TRPV4: variants seen among roughly 807,000 people sequenced by gnomAD.
TRPV4 encodes the protein OSM9-like transient receptor potential channel 4.
Under a neutral mutation model 84.1 loss-of-function variants are expected in TRPV4, and 58 were observed. That is an observed-to-expected ratio of 0.69 (90% CI 0.56 to 0.86). TRPV4 has a LOEUF of 0.86. TRPV4 is among the 40% of genes least tolerant of loss of function. The pLI is 0.00. For missense variants in TRPV4, 879 were observed against 1,181.1 expected (o/e 0.74, Z 3.75); for synonymous variants, 489 against 500.9 (o/e 0.98, Z 0.32).
rs905805572 is a variant in TRPV4, at chr12:109,796,373, A to G, written c.1332+152T>C. 6.1e-6 allele frequency: 5 copies of G among 816,690 alleles called. No homozygotes were observed. The highest frequency in any genetic ancestry group is 5.9e-6 in the Non-Finnish European group (3 of 505,262). The allele number at this position is 816,690 out of a possible 1,614,324, so 50.6% of individuals were successfully genotyped here. A position where few individuals can be genotyped will look rare whatever the true frequency, so the allele number is the denominator to read the frequency against. ...ATGGCAGACACTGTTCTGGGCACTT[A>G]GTTGGCACCTTCTCTTGCATTCAGC... is the stretch of plus-strand genomic sequence containing the variant. On this transcript the variant is annotated intron_variant, in intron 7 of 15. Coordinates refer to ENST00000261740, the MANE Select transcript of TRPV4 (RefSeq NM_021625.5). The surrounding 1 kb of genome is among the most constrained non-coding windows in gnomAD (Gnocchi z 4.2).
At position 109,784,396 on chromosome 12, in the gene TRPV4, C is replaced by A; in HGVS notation, c.2378G>T (p.Gly793Val). Residue 793 changes from glycine (G) to valine (V), a missense_variant, in exon 15 of 16, where the codon GGC becomes GTC. Gly to Val is a moderately radical substitution (Grantham distance 109). Transcript: ENST00000261740. ...CTTGCCCGGGTCCTCGTTGATGATG[C>A]CCAAGTTCTGGTTCCAGTGAGACCA... ...VNWSHWNQNL[G>V]IINEDPGKNE... 6.2e-7 allele frequency: 1 copy of A among 1,614,186 alleles called. No individual in the cohort carries two copies. The highest frequency in any genetic ancestry group is 8.5e-7 in the Non-Finnish European group (1 of 1,180,030).
rs1279275531 is a variant in TRPV4, at chr12:109,819,330, T to G, written c.-31-4503A>C. ...CTCTGCGTGTGACTGTCATGTACAT[T>G]TCTTCCCACCTTCCTCCATGGGCGT... On this transcript the variant is annotated intron_variant, in intron 1 of 15. Coordinates refer to ENST00000261740, the MANE Select transcript of TRPV4 (RefSeq NM_021625.5). Among the ~76,000 whole-genome samples, 6 of 152,260 alleles carry G rather than the reference T, an allele frequency of 3.9e-5. No homozygotes were observed. In the East Asian group the frequency reaches 7.7e-4, roughly 20 times the overall value.
In TRPV4 at chr12:109,814,880, C is replaced by G. The variant is rs1275255489; in HGVS notation, c.-31-53G>C. 6.7e-7 allele frequency: 1 copy of G among 1,486,392 alleles called. No homozygotes were observed. The highest frequency in any genetic ancestry group is 2.5e-5 in the East Asian group (1 of 40,590). 92.1% of individuals were successfully genotyped at this position (1,486,392 alleles called of 1,614,324 possible). On this transcript the variant is annotated intron_variant, in intron 1 of 15. Coordinates refer to ENST00000261740, the MANE Select transcript of TRPV4 (RefSeq NM_021625.5). This position sits in a 1 kb window ranked among gnomAD's most constrained non-coding sequence, Gnocchi z 5.4. ...CAGAACCCGGCCAGGGGCGGGGGCT[C>G]CAGGAAGCCCCCTCCCACGTGGACA...
chr12:109,804,712 C>T (rs755165303), intron 3 of TRPV4, among the ~76,000 whole-genome samples: 5 of 152,152 alleles, frequency 3.3e-5, no homozygotes, highest in African/African-American at 4.8e-5. Flanking sequence ...GTCCACCTGG[C>T]GCCCAGCTCA....
chr12:109,786,845 G>A lies in TRPV4; in HGVS notation c.2209-8C>T, dbSNP rs1003284993. 6.2e-7 allele frequency: 1 copy of A among 1,613,850 alleles called. No individual in the cohort carries two copies. The highest frequency in any genetic ancestry group is 8.5e-7 in the Non-Finnish European group (1 of 1,179,972). On this transcript the variant is annotated splice_region_variant and splice_polypyrimidine_tract_variant and intron_variant, in intron 13 of 15. Transcript: ENST00000261740. The surrounding 1 kb of genome is among the most constrained non-coding windows in gnomAD (Gnocchi z 4.5). ...CAGGATGGTGGTGGCCCACTGCGGGGAGGGAGGGTCAGGAGGGACATCGGT... is the reference window on the plus strand; with the variant it reads ...CAGGATGGTGGTGGCCCACTGCGGGAAGGGAGGGTCAGGAGGGACATCGGT...
chr12:109,830,560 T>A (rs988076221), intron 1 of TRPV4, among the ~76,000 whole-genome samples: 1 of 152,176 alleles, frequency 6.6e-6, no homozygotes. Context: ...AAATGGGCGA[T>A]GTGGAGCATT....
chr12:109,809,274 C>T (rs1238601693), intron 2 of TRPV4, among the ~76,000 whole-genome samples: 1 of 145,128 alleles, frequency 6.9e-6, no homozygotes, highest in East Asian at 2.0e-4. Flanking sequence ...TCTAACTACC[C>T]GCCCATCCAT....
intron 14 of TRPV4, among the ~76,000 whole-genome samples, chr12:109,785,862 C>T (rs1725110522): frequency 6.6e-6 from 1 of 151,944 alleles, no homozygotes; most frequent in African/African-American, 2.4e-5. Flanking sequence ...GCAAGAACCC[C>T]ATCTCTACAA....
intron 2 of TRPV4, among the ~76,000 whole-genome samples, chr12:109,811,519 G>C (rs901043218): frequency 6.6e-6 from 1 of 152,184 alleles, no homozygotes; most frequent in Admixed American, 6.5e-5. Context: ...TTAGCCGGTT[G>C]TGGTCGTGCA....
At chr12:109,810,750 C>A (rs1171212403) in intron 2 of TRPV4, among the ~76,000 whole-genome samples, 1 of 152,162 alleles carries the variant, frequency 6.6e-6, no homozygotes, top group Non-Finnish European at 1.5e-5. Context: ...ACTGCCCCCA[C>A]CAGATCTCAC....
At chr12:109,831,460 G>A (rs1338934912) in intron 1 of TRPV4, among the ~76,000 whole-genome samples, 3 of 152,226 alleles carry the variant, frequency 2.0e-5, no homozygotes, top group African/African-American at 4.8e-5. Flanking sequence ...TCCTCCCCGG[G>A]GGGCCACAAG....
Position 109,803,064 on chromosome 12 carries a change from C to T in TRPV4, c.639G>A (p.Leu213=), listed in dbSNP as rs1456793494. 1.9e-6 allele frequency: 3 copies of T among 1,614,208 alleles called. No individual in the cohort carries two copies. Among genetic ancestry groups the T allele is most frequent in the South Asian group, 2.2e-5 (2 of 91,092 alleles). ...SNGRNDTIPV[L]LDIAERTGNM... ...TGCCGGTGCGCTCCGCGATGTCCAG[C>T]AGCACAGGGATGGTGTCGTTGCGGC... The change falls in exon 4 of 16, where the codon CTG becomes CTA. Residue 213 remains leucine (L), a synonymous_variant. Coordinates refer to ENST00000261740, the MANE Select transcript of TRPV4 (RefSeq NM_021625.5).
At chr12:109,804,728 G>A (rs1302124250) in intron 3 of TRPV4, among the ~76,000 whole-genome samples, 1 of 152,100 alleles carries the variant, frequency 6.6e-6, no homozygotes, top group Admixed American at 6.6e-5. Flanking sequence ...GCTCAGAGGC[G>A]ACACCAAACC....
In TRPV4 at chr12:109,794,095, C is replaced by G. The variant is rs556367250; in HGVS notation, c.1492-73G>C. 2,577 of 1,337,656 alleles carry G rather than the reference C, an allele frequency of 1.9e-3. 46 individuals carry two copies. The African/African-American group carries it at 0.034, about 18-fold the overall frequency. 82.9% of individuals were successfully genotyped at this position (1,337,656 alleles called of 1,614,324 possible). On this transcript the variant is annotated intron_variant, in intron 8 of 15. Transcript: ENST00000261740. ...TCTGGCCCCCAATCCAGATGTTCCC[C>G]CAGGCCCGAAACATCGGCATCCCAT... is the stretch of plus-strand genomic sequence containing the variant.
chr12:109,829,493 C>G (rs967419587), intron 1 of TRPV4, among the ~76,000 whole-genome samples: 9 of 152,256 alleles, frequency 5.9e-5, no homozygotes, highest in African/African-American at 1.9e-4. Context: ...TGCCCAAATG[C>G]AAGTCTAGCT....
At chr12:109,826,518 A>C (rs1365882854) in intron 1 of TRPV4, among the ~76,000 whole-genome samples, 1 of 152,236 alleles carries the variant, frequency 6.6e-6, no homozygotes, top group African/African-American at 2.4e-5. Context: ...ACAGATGAAC[A>C]AACTGAAGAT....
At chr12:109,826,364 A>G (rs1475055927) in intron 1 of TRPV4, among the ~76,000 whole-genome samples, 2 of 152,184 alleles carry the variant, frequency 1.3e-5, no homozygotes, top group Admixed American at 6.5e-5. Context: ...TATAGACATT[A>G]AATATTATTG....
chr12:109,783,730 G>T lies in TRPV4; in HGVS notation c.2507C>A (p.Ser836Ter). Residue 836 changes from serine to a stop codon, truncating the protein, a stop_gained, in exon 16 of 16, where the codon TCG becomes TAG. Coordinates refer to ENST00000261740, the MANE Select transcript of TRPV4 (RefSeq NM_021625.5). LOFTEE classifies it high-confidence loss of function. This position sits in a 1 kb window ranked among gnomAD's most constrained non-coding sequence, Gnocchi z 4.6. ...AGGCACCACCACCTCGTCCGGGTTC[G>T]AGTTCTTGTTCAGTTCCACCACGCG... is the stretch of plus-strand genomic sequence containing the variant. ...VPRVVELNKN[S>*]NPDEVVVPLD... The T allele has an allele frequency of 6.2e-7, 1 of 1,613,688 alleles. No individual in the cohort carries two copies. The highest frequency in any genetic ancestry group is 8.5e-7 in the Non-Finnish European group (1 of 1,179,982).
Position 109,784,427 on chromosome 12 carries a change from C to T in TRPV4, c.2347G>A (p.Val783Met), listed in dbSNP as rs1889551438. 2 of 1,614,142 alleles carry T rather than the reference C, an allele frequency of 1.2e-6. No homozygotes were observed. Among genetic ancestry groups the T allele is most frequent in the South Asian group, 1.1e-5 (1 of 91,082 alleles). Residue 783 changes from valine (V) to methionine (M), a missense_variant, in exon 15 of 16, where the codon GTG (valine) becomes ATG (methionine). Val to Met is a conservative substitution (Grantham distance 21). Transcript: ENST00000261740. ...TTCTGGTTCCAGTGAGACCAGTTCACCTCATCCACCCTGGCAGGGCCCAAG... is the reference window on the plus strand; with the variant it reads ...TTCTGGTTCCAGTGAGACCAGTTCATCTCATCCACCCTGGCAGGGCCCAAG... ...DRRWCFRVDE[V>M]NWSHWNQNLG...
Sources: allele counts gnomAD v4.1 joint callset (sites outside exome capture counted in the v4.1 genomes callset), GRCh38; gene constraint gnomAD v4.1.1; non-coding constraint Gnocchi (gnomAD v3.1); transcripts MANE v1.5; gene names NCBI Gene and HGNC (gene_info 2026-07-23, HGNC 2026-07-21).